Variants in KCNH8 observed in about 807,000 individuals in gnomAD.
KCNH8 encodes voltage-gated delayed rectifier potassium channel KCNH8.
KCNH8 carries 70 observed loss-of-function variants against 103.6 expected under a neutral mutation model. That is an observed-to-expected ratio of 0.68 (90% confidence interval 0.56 to 0.82). The LOEUF is 0.82. Among genes scored for constraint, KCNH8 ranks in the 40% least tolerant of loss-of-function variants. The pLI, the probability that KCNH8 is intolerant of heterozygous loss-of-function variation, is 0.00. For missense variants in KCNH8, 1,217 were observed against 1,329.9 expected (o/e 0.92, Z 1.32); for synonymous variants, 498 against 489.4 (o/e 1.02, Z -0.23).
At chr3:19,193,237 C>T (rs2063570312) in intron 1 of KCNH8, among the ~76,000 whole-genome samples, 1 of 151,468 alleles carries the variant, frequency 6.6e-6, no homozygotes, top group Non-Finnish European at 1.5e-5. Flanking sequence ...CTTTGCAAGA[C>T]CTGTAATTTG....
At chr3:19,176,395 C>T (rs1219355965) in intron 1 of KCNH8, among the ~76,000 whole-genome samples, 1 of 151,948 alleles carries the variant, frequency 6.6e-6, no homozygotes, top group East Asian at 1.9e-4. Context: ...TCAACGGAGA[C>T]CTTTCTAGTT....
At chr3:19,436,554 C>T (rs1387546656) in intron 7 of KCNH8, among the ~76,000 whole-genome samples, 2 of 152,130 alleles carry the variant, frequency 1.3e-5, no homozygotes, top group African/African-American at 4.8e-5. Context: ...TTTTCATCAT[C>T]ATTATTGCTT....
At chr3:19,149,801 A>C (rs1331054507) in intron 1 of KCNH8, among the ~76,000 whole-genome samples, 1 of 152,134 alleles carries the variant, frequency 6.6e-6, no homozygotes, top group African/African-American at 2.4e-5. Flanking sequence ...AGAGAAACTC[A>C]TTTATCCTAA....
rs1191357243 is a variant in KCNH8 at position 19,347,918 on chromosome 3, G to A, written c.764G>A (p.Arg255Gln). Residue 255 changes from arginine to glutamine, a missense_variant, in exon 5 of 16, where the codon CGG becomes CAG. Physicochemically the swap from Arg to Gln is conservative, Grantham distance 43. Around this residue, in one of 3 missense-constraint regions of KCNH8, gnomAD observed 415 missense variants for 577.4 expected, o/e 0.72. Coordinates refer to ENST00000328405, the MANE Select transcript of KCNH8 (RefSeq NM_144633.3). The part of the protein sequence containing the change: ...FIGNDDLSTT[R>Q]STTVSDIAVE... ...GGCAATGACGACCTGTCCACAACTCGGAGCACAACCGTCAGTGACATTGCA... is the reference window on the plus strand; with the variant it reads ...GGCAATGACGACCTGTCCACAACTCAGAGCACAACCGTCAGTGACATTGCA... 6.2e-7 allele frequency: 1 copy of A among 1,613,176 alleles called. No homozygotes were observed.
chr3:19,322,663 A>G (rs776480928), intron 3 of KCNH8, among the ~76,000 whole-genome samples: 19 of 152,302 alleles, frequency 1.2e-4, no homozygotes, highest in Middle Eastern at 6.8e-3. Context: ...CTTGATGACT[A>G]TGTGCCCAGG....
At chr3:19,170,444 T>C (rs1018726269) in intron 1 of KCNH8, among the ~76,000 whole-genome samples, 2 of 151,802 alleles carry the variant, frequency 1.3e-5, no homozygotes, top group Non-Finnish European at 2.9e-5. Context: ...TAGAACATTT[T>C]ACAGTATCAG....
At position 19,159,175 on chromosome 3, in the gene KCNH8, T is replaced by C. The variant is rs148837781; in HGVS notation, c.76+10380T>C. Among the ~76,000 whole-genome samples the C allele has an allele frequency of 4.6e-5, 7 of 152,080 alleles. No individual in the cohort carries two copies. In the East Asian group the frequency reaches 9.6e-4, roughly 21 times the overall value. ...TTCTGTGTTATTGAATCAATTAATA[T>C]AATGAATTCAACAGATTTTATAATA... On this transcript the variant is annotated intron_variant, in intron 1 of 15. Transcript: ENST00000328405.
chr3:19,199,701 C>G (rs979301526), intron 1 of KCNH8, among the ~76,000 whole-genome samples: 1 of 151,078 alleles, frequency 6.6e-6, no homozygotes, highest in Non-Finnish European at 1.5e-5. Context: ...TTATAAGGGA[C>G]TAGCTCTTAT....
chr3:19,239,639 T>TATCC (rs2064110682), intron 1 of KCNH8, among the ~76,000 whole-genome samples: 1 of 72,150 alleles, frequency 1.4e-5, no homozygotes, highest in Admixed American at 1.5e-4. Flanking sequence ...TGATGGAATC[T>TATCC]ATCTATCTAT....
chr3:19,198,413 G>A (rs1011422899), intron 1 of KCNH8, among the ~76,000 whole-genome samples: 3 of 152,014 alleles, frequency 2.0e-5, no homozygotes, highest in Non-Finnish European at 2.9e-5. Context: ...CAAGACAACC[G>A]CAGTGGGTTC....
rs182803616 is a variant in KCNH8 at position 19,350,125 on chromosome 3, T to C, written c.811+2160T>C. On this transcript the variant is annotated intron_variant, in intron 5 of 15. Coordinates refer to ENST00000328405, the MANE Select transcript of KCNH8 (RefSeq NM_144633.3). Reference sequence around the variant, plus strand: ...GTTTAAGCATATCTACAATTTATTATAGCATATTTAGAAAAATGGCTTAAA... The same window carrying C: ...GTTTAAGCATATCTACAATTTATTACAGCATATTTAGAAAAATGGCTTAAA... Among the ~76,000 whole-genome samples, 10 of 152,250 alleles carry C rather than the reference T, an allele frequency of 6.6e-5. No individual in the cohort carries two copies. The East Asian group carries it at 1.2e-3, about 18-fold the overall frequency.
chr3:19,345,270 G>A (rs138751395), intron 4 of KCNH8, among the ~76,000 whole-genome samples: 18 of 152,146 alleles, frequency 1.2e-4, no homozygotes, highest in African/African-American at 4.3e-4. Context: ...CATTTTTCTG[G>A]CGGGGACAGT....
intron 5 of KCNH8, among the ~76,000 whole-genome samples, chr3:19,350,944 A>G (rs2065793311): frequency 6.6e-6 from 1 of 152,202 alleles, no homozygotes; most frequent in South Asian, 2.1e-4. Context: ...TCCAAGCTAA[A>G]GGAGGATGTT....
chr3:19,484,003 A>T (rs1438836437), intron 11 of KCNH8, among the ~76,000 whole-genome samples: 1 of 152,086 alleles, frequency 6.6e-6, no homozygotes, highest in Non-Finnish European at 1.5e-5. Flanking sequence ...TTGGTCATAT[A>T]GTCTTTTTTT....
chr3:19,258,937 C>A (rs1336239029), intron 2 of KCNH8, among the ~76,000 whole-genome samples: 102 of 79,916 alleles, frequency 1.3e-3, no homozygotes, highest in African/African-American at 4.3e-3. Context: ...CTCTCTCTCT[C>A]TCTCTCTCTC....
At chr3:19,199,821 A>C (rs1379514096) in intron 1 of KCNH8, among the ~76,000 whole-genome samples, 1 of 152,006 alleles carries the variant, frequency 6.6e-6, no homozygotes, top group Non-Finnish European at 1.5e-5. Flanking sequence ...AATATGTGAC[A>C]TAAATATTAC....
intron 1 of KCNH8, among the ~76,000 whole-genome samples, chr3:19,243,438 C>T (rs2064166998): frequency 6.6e-6 from 1 of 152,158 alleles, no homozygotes; most frequent in Admixed American, 6.6e-5. Flanking sequence ...TCTTATGTTT[C>T]CTGTTACTTA....
chr3:19,260,967 C>CATAT (rs138181171), intron 2 of KCNH8, among the ~76,000 whole-genome samples: 4,233 of 132,062 alleles, frequency 0.032, 87 homozygotes, highest in Middle Eastern at 0.065. Flanking sequence ...GAATAATATT[C>CATAT]ATATATATAT....
intron 7 of KCNH8, among the ~76,000 whole-genome samples, chr3:19,427,046 G>A (rs2067039059): frequency 6.6e-6 from 1 of 152,076 alleles, no homozygotes; most frequent in African/African-American, 2.4e-5. Context: ...CAATGGACAT[G>A]GCCAGGAACA....
Sources: allele counts gnomAD v4.1 joint callset (sites outside exome capture counted in the v4.1 genomes callset), GRCh38; gene constraint gnomAD v4.1.1; regional missense constraint gnomAD v4.1.1; transcripts MANE v1.5; gene names NCBI Gene and HGNC (gene_info 2026-07-23, HGNC 2026-07-21).